The following CNTN5 variants were observed in gnomAD, a reference collection of about 807,000 sequenced individuals.
CNTN5 encodes the protein contactin-5.
Under a neutral mutation model 129.1 loss-of-function variants are expected in CNTN5, and 77 were observed. The observed-to-expected ratio is 0.60, with a 90% CI of 0.50 to 0.72. The LOEUF is 0.72. Ranked by LOEUF, CNTN5 falls within the 30% of genes least tolerant of loss-of-function variation. The pLI, the probability that CNTN5 is intolerant of heterozygous loss-of-function variation, is 0.00. For synonymous variants in CNTN5, 509 were observed against 465.6 expected (o/e 1.09, Z -1.20); for missense variants, 1,478 against 1,328.8 (o/e 1.11, Z -1.75).
intron 1 of CNTN5, among the ~76,000 whole-genome samples, chr11:99,293,883 T>C (rs1864274885): frequency 6.6e-6 from 1 of 152,066 alleles, no homozygotes; most frequent in Admixed American, 6.5e-5. Context: ...ATTGATCTTT[T>C]GTAATTTTTA....
At chr11:99,633,809 T>C (rs1951451620) in intron 3 of CNTN5, among the ~76,000 whole-genome samples, 1 of 152,130 alleles carries the variant, frequency 6.6e-6, no homozygotes, top group African/African-American at 2.4e-5. Context: ...TGAAATACTG[T>C]GAGAAAACAT....
chr11:99,730,455 C>A (rs186139596), intron 3 of CNTN5, among the ~76,000 whole-genome samples: 1 of 152,252 alleles, frequency 6.6e-6, no homozygotes, highest in Non-Finnish European at 1.5e-5. Flanking sequence ...CAAAGATAAA[C>A]ACCTCAATAT....
chr11:99,506,167 G>A (rs1057418231), intron 2 of CNTN5, among the ~76,000 whole-genome samples: 5 of 152,126 alleles, frequency 3.3e-5, no homozygotes, highest in East Asian at 1.9e-4. Flanking sequence ...TGAATGGTAC[G>A]GCTTGTCCTC....
rs148868068 is a variant in CNTN5 at position 99,301,159 on chromosome 11, C to T, written c.-209-24187C>T. Among the ~76,000 whole-genome samples, 700 of 151,644 alleles carry T rather than the reference C, an allele frequency of 4.6e-3. 12 individuals are homozygous for T. In the East Asian group the frequency reaches 0.063, roughly 14 times the overall value. ...AGAAACACTGGAAGTATATATTTGA[C>T]ACAAAAGTAGGCAAGAATCTAAGAA... is the stretch of plus-strand genomic sequence containing the variant. On this transcript the variant is annotated intron_variant, in intron 1 of 24. Coordinates refer to ENST00000524871, the MANE Select transcript of CNTN5 (RefSeq NM_014361.4).
At chr11:99,414,865 T>C (rs892292865) in intron 2 of CNTN5, among the ~76,000 whole-genome samples, 1 of 152,144 alleles carries the variant, frequency 6.6e-6, no homozygotes, top group Non-Finnish European at 1.5e-5. Flanking sequence ...AGAGTAAGGA[T>C]ACTGAATATA....
chr11:100,191,889 CTATCT>C (rs1419592607), intron 14 of CNTN5, among the ~76,000 whole-genome samples: 2 of 151,970 alleles, frequency 1.3e-5, no homozygotes, highest in Non-Finnish European at 2.9e-5. Flanking sequence ...GACAGAAAAC[CTATCT>C]TAGGCAGTCC....
chr11:99,808,562 T>A (rs547073893), intron 3 of CNTN5, among the ~76,000 whole-genome samples: 12 of 152,322 alleles, frequency 7.9e-5, no homozygotes, highest in African/African-American at 2.4e-4. Context: ...GGGTCAAAGC[T>A]GTAGGTCTGC....
intron 1 of CNTN5, among the ~76,000 whole-genome samples, chr11:99,304,647 T>C (rs1461672): frequency 0.95 from 144,978 of 152,276 alleles, 69,099 homozygotes; most frequent in East Asian, 1. Flanking sequence ...GAAAATGGCT[T>C]AACCACCATC....
intron 2 of CNTN5, among the ~76,000 whole-genome samples, chr11:99,325,982 G>A (rs1392831265): frequency 6.6e-6 from 1 of 152,152 alleles, no homozygotes; most frequent in East Asian, 1.9e-4. Flanking sequence ...ACCAGGGAAC[G>A]GGGATCTTCT....
At chr11:100,230,125 G>T (rs1258548566) in intron 16 of CNTN5, among the ~76,000 whole-genome samples, 4 of 152,014 alleles carry the variant, frequency 2.6e-5, no homozygotes, top group African/African-American at 7.2e-5. Flanking sequence ...TTTTAGAGAA[G>T]AATAAAATTT....
chr11:99,591,251 A>G (rs1949969866), intron 3 of CNTN5, among the ~76,000 whole-genome samples: 1 of 152,040 alleles, frequency 6.6e-6, no homozygotes, highest in Non-Finnish European at 1.5e-5. Context: ...TAACACCAGC[A>G]GAGCCCATCT....
intron 3 of CNTN5, among the ~76,000 whole-genome samples, chr11:99,638,863 T>G (rs964376823): frequency 6.6e-6 from 1 of 152,140 alleles, no homozygotes; most frequent in African/African-American, 2.4e-5. Context: ...AGGTGCATGG[T>G]GCAAGCCATC....
At chr11:99,633,766 G>A (rs1951449978) in intron 3 of CNTN5, among the ~76,000 whole-genome samples, 1 of 152,176 alleles carries the variant, frequency 6.6e-6, no homozygotes, top group Non-Finnish European at 1.5e-5. Flanking sequence ...TTGTTTGTTT[G>A]TTTAAGGTTT....
intron 1 of CNTN5, among the ~76,000 whole-genome samples, chr11:99,103,046 A>G: frequency 6.6e-6 from 1 of 152,184 alleles, no homozygotes; most frequent in East Asian, 1.9e-4. Flanking sequence ...GGCAAGAGAG[A>G]GGAGAACCAA....
In CNTN5 at chr11:99,810,323, G is replaced by A. The variant is rs75383232; in HGVS notation, c.56-9221G>A. Among the ~76,000 whole-genome samples, 223 of 152,136 alleles carry A rather than the reference G, an allele frequency of 1.5e-3. 1 individual carries two copies. The highest frequency in any genetic ancestry group is 5.0e-3 in the African/African-American group (208 of 41,522). ...AGTTGTAGAAATAATTTCAAATCAC[G>A]CTTCTTTTCCCTTGTAAATATGTCT... On this transcript the variant is annotated intron_variant, in intron 3 of 24. Transcript: ENST00000524871.
Position 99,341,813 on chromosome 11 carries a change from T to A in CNTN5, c.-71+16329T>A, listed in dbSNP as rs541800982. 2.6e-5 allele frequency among the ~76,000 whole-genome samples: 4 copies of A among 152,228 alleles called. No individual in the cohort carries two copies. The East Asian group carries it at 7.7e-4, about 29-fold the overall frequency. ...GACAAAATTCCAGTGATAGAAACCT[T>A]CATGAACAGGCCTTGAGTCCAGTTT... On this transcript the variant is annotated intron_variant, in intron 2 of 24. Coordinates refer to ENST00000524871, the MANE Select transcript of CNTN5 (RefSeq NM_014361.4).
intron 7 of CNTN5, among the ~76,000 whole-genome samples, chr11:99,955,747 G>A (rs564386596): frequency 1.3e-5 from 2 of 151,378 alleles, no homozygotes; most frequent in Admixed American, 1.3e-4. Context: ...TTAATTTTTA[G>A]TAGAGACGGG....
intron 1 of CNTN5, among the ~76,000 whole-genome samples, chr11:99,074,850 G>A (rs61112787): frequency 0.04 from 6,103 of 152,138 alleles, 617 homozygotes; most frequent in East Asian, 0.4. Flanking sequence ...CATGCATCAC[G>A]GCACAATGTT....
intron 3 of CNTN5, among the ~76,000 whole-genome samples, chr11:99,614,651 G>A (rs1239552074): frequency 6.6e-6 from 1 of 152,160 alleles, no homozygotes; most frequent in Non-Finnish European, 1.5e-5. Context: ...ATGTTTCTGC[G>A]ACAATCTGTT....
Sources: allele counts gnomAD v4.1 joint callset (sites outside exome capture counted in the v4.1 genomes callset), GRCh38; gene constraint gnomAD v4.1.1; transcripts MANE v1.5; gene names NCBI Gene and HGNC (gene_info 2026-07-23, HGNC 2026-07-21).